Variants in TRAPPC9 observed in about 807,000 individuals in gnomAD.
TRAPPC9 encodes the protein IKK2 binding protein.
Under a neutral mutation model 124.0 loss-of-function variants are expected in TRAPPC9, and 83 were observed. The observed-to-expected ratio is 0.67, with a 90% confidence interval of 0.56 to 0.80. The LOEUF (loss-of-function observed/expected upper bound fraction) is 0.80. Ranked by LOEUF, TRAPPC9 falls within the 30% of genes least tolerant of loss-of-function variation. The pLI, the probability that TRAPPC9 is intolerant of heterozygous loss-of-function variation, is 0.00. For synonymous variants in TRAPPC9, 638 were observed against 617.5 expected, an observed-to-expected ratio of 1.03 and a Z score of -0.49; for missense variants, 1,302 against 1,508.3, an observed-to-expected ratio of 0.86 and a Z score of 2.27.
At chr8:140,388,598 G>A (rs1300124342) in intron 7 of TRAPPC9, among the ~76,000 whole-genome samples, 14 of 152,074 alleles carry the variant, frequency 9.2e-5, no homozygotes, top group East Asian at 5.8e-4. Flanking sequence ...CAGAAGAATC[G>A]CTTGAACCCA....
At chr8:139,991,286 G>A (rs914176497) in intron 18 of TRAPPC9, among the ~76,000 whole-genome samples, 3 of 152,228 alleles carry the variant, frequency 2.0e-5, no homozygotes, top group African/African-American at 4.8e-5. Flanking sequence ...GCACAGGAAT[G>A]AGCAGCATCA....
chr8:140,317,384 C>CA (rs1037942157), intron 9 of TRAPPC9, among the ~76,000 whole-genome samples: 1 of 152,108 alleles, frequency 6.6e-6, no homozygotes, highest in African/African-American at 2.4e-5. Flanking sequence ...TTCCTGTGTC[C>CA]TTTGGATAAG....
At chr8:139,818,778 G>A (rs1272867154) in intron 21 of TRAPPC9, among the ~76,000 whole-genome samples, 2 of 152,198 alleles carry the variant, frequency 1.3e-5, no homozygotes, top group Admixed American at 1.3e-4. Flanking sequence ...TGTCCAAGTG[G>A]AGTGAACAGT....
At chr8:140,132,330 G>GT (rs1479805748) in intron 17 of TRAPPC9, among the ~76,000 whole-genome samples, 2 of 152,208 alleles carry the variant, frequency 1.3e-5, no homozygotes, top group African/African-American at 4.8e-5. Context: ...CCGAAACCAC[G>GT]TAAGACTTCA....
intron 21 of TRAPPC9, among the ~76,000 whole-genome samples, chr8:139,778,324 A>C (rs1319888055): frequency 2.6e-5 from 4 of 152,254 alleles, no homozygotes; most frequent in African/African-American, 9.6e-5. Context: ...ACTGTTTCTG[A>C]GTAATTTAAC....
chr8:140,340,831 T>A (rs1310509730), intron 9 of TRAPPC9, among the ~76,000 whole-genome samples: 1 of 152,184 alleles, frequency 6.6e-6, no homozygotes, highest in African/African-American at 2.4e-5. Context: ...TATGCATACC[T>A]CATCAAAATA....
chr8:139,847,871 C>A (rs1004803453), intron 21 of TRAPPC9, among the ~76,000 whole-genome samples: 1 of 152,226 alleles, frequency 6.6e-6, no homozygotes, highest in African/African-American at 2.4e-5. Flanking sequence ...GTGAAGGCAA[C>A]AGAAGCTTAA....
At chr8:140,199,057 C>A (rs2062727410) in intron 17 of TRAPPC9, among the ~76,000 whole-genome samples, 1 of 152,028 alleles carries the variant, frequency 6.6e-6, no homozygotes, top group Admixed American at 6.5e-5. Flanking sequence ...GCAGCTGAGG[C>A]CTGGACCCCC....
chr8:140,249,529 T>C (rs1166035448), intron 16 of TRAPPC9, among the ~76,000 whole-genome samples: 3 of 152,104 alleles, frequency 2.0e-5, no homozygotes, highest in African/African-American at 4.8e-5. Context: ...TCTCTCTAGA[T>C]TCACATTCAC....
intron 19 of TRAPPC9, among the ~76,000 whole-genome samples, chr8:139,917,162 A>ATTTTTTTTTTTTT (rs1832191450): frequency 2.8e-5 from 2 of 70,928 alleles, no homozygotes; most frequent in Admixed American, 1.3e-4. Context: ...CTTCATTATT[A>ATTTTTTTTTTTTT]TTTTCTTTTT....
chr8:140,455,492 G>A (rs912678136), intron 1 of TRAPPC9, among the ~76,000 whole-genome samples: 40 of 146,582 alleles, frequency 2.7e-4, no homozygotes, highest in African/African-American at 9.6e-4. Context: ...AAGCAGTGGC[G>A]CGATCTCGGC....
At chr8:140,366,215 T>C (rs2068103352) in intron 8 of TRAPPC9, among the ~76,000 whole-genome samples, 2 of 152,204 alleles carry the variant, frequency 1.3e-5, no homozygotes, top group Admixed American at 1.3e-4. Context: ...TTGTGAATAA[T>C]CCTGCAATGA....
chr8:140,127,264 C>A (rs147982076), intron 17 of TRAPPC9, among the ~76,000 whole-genome samples: 1 of 152,148 alleles, frequency 6.6e-6, no homozygotes, highest in Non-Finnish European at 1.5e-5. Flanking sequence ...AGCCTACCTG[C>A]GTGATGGACA....
At chr8:139,807,007 A>G (rs1307591031) in intron 21 of TRAPPC9, among the ~76,000 whole-genome samples, 1 of 152,228 alleles carries the variant, frequency 6.6e-6, no homozygotes, top group East Asian at 1.9e-4. Context: ...CCACCTGCCG[A>G]TGCCCTCGAG....
At chr8:140,344,288 T>C (rs2067274226) in intron 9 of TRAPPC9, among the ~76,000 whole-genome samples, 1 of 152,226 alleles carries the variant, frequency 6.6e-6, no homozygotes, top group Non-Finnish European at 1.5e-5. Context: ...CCCTTATTTA[T>C]AAGCCACCTA....
chr8:139,768,577 T>C (rs1820733005), intron 21 of TRAPPC9, among the ~76,000 whole-genome samples: 2 of 152,252 alleles, frequency 1.3e-5, no homozygotes, highest in South Asian at 4.1e-4. Flanking sequence ...TGGTGGGATT[T>C]CTGGTAATAG....
intron 21 of TRAPPC9, among the ~76,000 whole-genome samples, chr8:139,774,438 G>A (rs1158892110): frequency 1.3e-5 from 2 of 152,148 alleles, no homozygotes; most frequent in African/African-American, 4.8e-5. Flanking sequence ...GTGCATGTGT[G>A]CACACCCTGG....
chr8:139,757,820 C>A (rs1290133147), intron 21 of TRAPPC9, among the ~76,000 whole-genome samples: 1 of 152,104 alleles, frequency 6.6e-6, no homozygotes, highest in African/African-American at 2.4e-5. Flanking sequence ...GGCAAGCAGT[C>A]GGCACTGCTG....
chr8:139,974,840 G>A (rs553835005), intron 19 of TRAPPC9, among the ~76,000 whole-genome samples: 10 of 152,020 alleles, frequency 6.6e-5, no homozygotes, highest in African/African-American at 1.2e-4. Flanking sequence ...CTTCCACTCC[G>A]CCCGGCAGCC....
Sources: allele counts gnomAD v4.1 joint callset (sites outside exome capture counted in the v4.1 genomes callset), GRCh38; gene constraint gnomAD v4.1.1; transcripts MANE v1.5; gene names NCBI Gene and HGNC (gene_info 2026-07-23, HGNC 2026-07-21).